DCAF8L2: variants seen among roughly 807,000 people sequenced by gnomAD.
The protein encoded by DCAF8L2 is DDB1 and CUL4 associated factor 8 like 2, also known as DDB1- and CUL4-associated factor 8-like protein 2.
For synonymous variants in DCAF8L2, 200 were observed against 190.9 expected (o/e 1.05, Z -0.39); for missense variants, 430 against 490.7 (o/e 0.88, Z 1.17).
In DCAF8L2 at chrX:27,642,987, T is replaced by G. The variant is rs1221084323; in HGVS notation, c.-220+10987T>G. 5.4e-5 allele frequency among the ~76,000 whole-genome samples: 6 copies of G among 111,898 alleles called. 1 individual carries two copies. The highest frequency in any genetic ancestry group is 1.1e-4 in the Non-Finnish European group (6 of 53,218). ...CACCATTTTACCTTTTAATATGATA[T>G]TTTGCTATGTATATGCAGACACCTT... On this transcript the variant is annotated intron_variant, in intron 2 of 4. Transcript: ENST00000451261.
At chrX:27,648,883 TG>T (rs1367655076) in intron 2 of DCAF8L2, among the ~76,000 whole-genome samples, 2 of 111,923 alleles carry the variant, frequency 1.8e-5, no homozygotes, top group Middle Eastern at 9.3e-3. Flanking sequence ...GAAGATAAAA[TG>T]AAAGTTATAT....
the DCAF8L2 span, chrX:27,519,075 T>A: frequency 1.9e-6 from 2 of 1,047,295 alleles, no homozygotes; most frequent in Non-Finnish European, 2.7e-6. Context: ...AGATGAAGTC[T>A]CAGGCTAGGG....
At chrX:27,496,503 G>A in the DCAF8L2 span, among the ~76,000 whole-genome samples, 2 of 111,597 alleles carry the variant, frequency 1.8e-5, no homozygotes, top group African/African-American at 6.5e-5. Flanking sequence ...CATGTCATAT[G>A]TGGTCCTTTT....
chrX:27,588,431 T>C (rs1478181894), upstream of DCAF8L2, among the ~76,000 whole-genome samples: 1 of 111,374 alleles, frequency 9.0e-6, no homozygotes, highest in East Asian at 2.8e-4. Context: ...TCTTTGTTAC[T>C]GTGAATAGTA....
intron 2 of DCAF8L2, among the ~76,000 whole-genome samples, chrX:27,639,364 A>G (rs1242771397): frequency 3.6e-5 from 4 of 111,887 alleles, no homozygotes; most frequent in Non-Finnish European, 7.5e-5. Context: ...AATGAGACCT[A>G]TTTGATAGCA....
At chrX:27,537,994 A>T in the DCAF8L2 span, among the ~76,000 whole-genome samples, 1 of 111,500 alleles carries the variant, frequency 9.0e-6, no homozygotes, top group Non-Finnish European at 1.9e-5. Flanking sequence ...CCTATTTTTG[A>T]ACAAATTATC....
the DCAF8L2 span, among the ~76,000 whole-genome samples, chrX:27,576,800 C>T: frequency 4.5e-5 from 5 of 111,841 alleles, no homozygotes; most frequent in African/African-American, 1.3e-4. Flanking sequence ...TTCAAAATGG[C>T]TTTATATAAA....
Position 27,725,608 on chromosome X carries a change from C to T in DCAF8L2, c.-59+9437C>T, listed in dbSNP as rs896621896. On this transcript the variant is annotated intron_variant, in intron 4 of 4. Transcript: ENST00000451261. ...ATGTTTTATAAAGATCTAGATGGGT[C>T]CAATAATATACATGGTTAAAAATTG... Among the ~76,000 whole-genome samples, 6 of 108,582 alleles carry T rather than the reference C, an allele frequency of 5.5e-5. No individual in the cohort carries two copies. In the South Asian group the frequency reaches 1.9e-3, roughly 35 times the overall value. The allele number at this position is 108,582 out of a possible 115,157, so 94.3% of individuals were successfully genotyped here.
intron 4 of DCAF8L2, among the ~76,000 whole-genome samples, chrX:27,736,602 TCTTGC>T (rs1329064080): frequency 1.8e-5 from 2 of 112,397 alleles, no homozygotes; most frequent in African/African-American, 3.2e-5. Flanking sequence ...TTTCCAATCA[TCTTGC>T]CTTGCCTGTC....
intron 3 of DCAF8L2, among the ~76,000 whole-genome samples, chrX:27,681,289 G>A (rs999550962): frequency 3.6e-5 from 4 of 111,520 alleles, no homozygotes; most frequent in Non-Finnish European, 7.5e-5. Context: ...GGTAAGTGTA[G>A]AAAGAGGGTA....
intron 4 of DCAF8L2, among the ~76,000 whole-genome samples, chrX:27,734,877 A>C (rs1235717024): frequency 8.9e-6 from 1 of 112,007 alleles, no homozygotes; most frequent in Non-Finnish European, 1.9e-5. Context: ...AACTGGCGAA[A>C]AGCAAACACA....
chrX:27,566,928 T>A, the DCAF8L2 span, among the ~76,000 whole-genome samples: 1 of 111,461 alleles, frequency 9.0e-6, no homozygotes, highest in Non-Finnish European at 1.9e-5. Flanking sequence ...GTGTTTTCAC[T>A]TTGTTTTTCT....
At chrX:27,636,779 A>G (rs1338502344) in intron 2 of DCAF8L2, among the ~76,000 whole-genome samples, 1 of 111,886 alleles carries the variant, frequency 8.9e-6, no homozygotes, top group Non-Finnish European at 1.9e-5. Flanking sequence ...AATGTTGCAG[A>G]AAAAAAATCT....
chrX:27,499,640 A>G, the DCAF8L2 span, among the ~76,000 whole-genome samples: 8 of 111,202 alleles, frequency 7.2e-5, no homozygotes, highest in Non-Finnish European at 1.3e-4. Flanking sequence ...AGGGGAAGCA[A>G]GCGCCTTCTT....
At position 27,747,387 on chromosome X, in the gene DCAF8L2, G is replaced by A. The variant is rs776836322; in HGVS notation, c.492G>A (p.Ser164=). ...QGSGGNHEQY[S]LEEDQALEEW... ...GTGGCGGCAACCATGAGCAGTATTC[G>A]TTAGAGGAGGATCAGGCGCTGGAGG... The change falls in exon 5 of 5, where the codon TCG becomes TCA. Residue 164 remains serine, a synonymous_variant. Transcript: ENST00000451261. The A allele has an allele frequency of 4.3e-6, 5 of 1,168,041 alleles. No individual in the cohort carries two copies. The highest frequency in any genetic ancestry group is 3.4e-6 in the Non-Finnish European group (3 of 873,480).
At chrX:27,664,002 G>C (rs1298778028) in intron 2 of DCAF8L2, among the ~76,000 whole-genome samples, 1 of 107,900 alleles carries the variant, frequency 9.3e-6, no homozygotes, top group African/African-American at 3.4e-5. Flanking sequence ...CAGCCACCAT[G>C]CCTGGGTGAA....
At chrX:27,740,262 A>T (rs973171206) in intron 4 of DCAF8L2, among the ~76,000 whole-genome samples, 1 of 111,123 alleles carries the variant, frequency 9.0e-6, no homozygotes, top group Non-Finnish European at 1.9e-5. Flanking sequence ...TGCCTTTTCC[A>T]CTTCAAAATA....
intron 3 of DCAF8L2, among the ~76,000 whole-genome samples, chrX:27,681,344 G>A (rs1388914030): frequency 9.0e-6 from 1 of 111,237 alleles, no homozygotes; most frequent in Non-Finnish European, 1.9e-5. Flanking sequence ...TAGAGACAGG[G>A]AATAGGTCTG....
intron 2 of DCAF8L2, among the ~76,000 whole-genome samples, chrX:27,646,637 G>T (rs1406670583): frequency 2.7e-5 from 3 of 111,100 alleles, no homozygotes; most frequent in African/African-American, 6.5e-5. Flanking sequence ...ACAGATAGGA[G>T]AAAATTTTTG....
Sources: gnomAD v4.1 joint callset for allele counts (sites outside exome capture counted in the v4.1 genomes callset) on GRCh38, gnomAD v4.1.1 for gene constraint, MANE v1.5 for transcripts, NCBI Gene and HGNC (gene_info 2026-07-23, HGNC 2026-07-21) for gene names.